Variants in LMTK2 observed in about 807,000 individuals in gnomAD.
LMTK2 encodes serine/threonine-protein kinase LMTK2.
In LMTK2, 37 loss-of-function variants were observed where a neutral mutation model predicts 127.5. The observed-to-expected ratio is 0.29, with a 90% CI of 0.22 to 0.38. The LOEUF (loss-of-function observed/expected upper bound fraction) is 0.38, where lower values mean the gene tolerates loss of function less well. Among genes scored for constraint, LMTK2 ranks in the 10% least tolerant of loss-of-function variants. LMTK2 has a pLI of 1.00. For synonymous variants in LMTK2, 819 were observed against 810.1 expected (o/e 1.01, Z -0.19); for missense variants, 1,694 against 1,920.3 (o/e 0.88, Z 2.20).
chr7:98,111,607 A>G (rs1232415528), intron 1 of LMTK2, among the ~76,000 whole-genome samples: 2 of 152,162 alleles, frequency 1.3e-5, no homozygotes, highest in South Asian at 2.1e-4. Context: ...GGCAATGACA[A>G]TATTTACCCA....
intron 1 of LMTK2, among the ~76,000 whole-genome samples, chr7:98,114,877 AC>A (rs1394470183): frequency 6.6e-6 from 1 of 151,842 alleles, no homozygotes; most frequent in African/African-American, 2.4e-5. Context: ...CTCTTTGCGG[AC>A]CCACCTTCCC....
At chr7:98,119,638 C>T (rs962468427) in intron 1 of LMTK2, among the ~76,000 whole-genome samples, 10 of 152,074 alleles carry the variant, frequency 6.6e-5, no homozygotes, top group Admixed American at 2.6e-4. Context: ...ATGCTGGTAC[C>T]GTGAGCTGAG....
intron 1 of LMTK2, among the ~76,000 whole-genome samples, chr7:98,127,421 TCTTTGTCTAAC>T (rs1197902579): frequency 2.0e-5 from 3 of 152,210 alleles, no homozygotes; most frequent in Non-Finnish European, 4.4e-5. Flanking sequence ...CTATGAGTTT[TCTTTGTCTAAC>T]CTTTGTCTAA....
At chr7:98,127,883 C>G (rs911936838) in intron 1 of LMTK2, among the ~76,000 whole-genome samples, 1 of 152,214 alleles carries the variant, frequency 6.6e-6, no homozygotes, top group African/African-American at 2.4e-5. Flanking sequence ...TGGCTCATGC[C>G]TGTAATCCCA....
At chr7:98,129,667 G>T (rs1318568639) in intron 1 of LMTK2, among the ~76,000 whole-genome samples, 6 of 152,124 alleles carry the variant, frequency 3.9e-5, no homozygotes, top group Non-Finnish European at 7.4e-5. Context: ...TGCCTAGCTC[G>T]TAAGTTTATT....
intron 11 of LMTK2, among the ~76,000 whole-genome samples, chr7:98,197,028 G>A (rs2132276): frequency 0.37 from 56,831 of 152,136 alleles, 13,478 homozygotes; most frequent in Middle Eastern, 0.62. Flanking sequence ...TTGAAGTTGT[G>A]TAGTTTTTAA....
chr7:98,177,646 A>G (rs980583620), intron 7 of LMTK2, among the ~76,000 whole-genome samples: 5 of 152,128 alleles, frequency 3.3e-5, no homozygotes, highest in Non-Finnish European at 7.3e-5. Context: ...GGGACTATAC[A>G]TATGCACCAT....
At chr7:98,186,726 T>A in intron 8 of LMTK2, 151 bp from the exon 9 acceptor site, 1 of 640,474 alleles carries the variant, frequency 1.6e-6, no homozygotes, top group Non-Finnish European at 2.6e-6. Context: ...ACCCACTTTC[T>A]GCCCAGAAAG....
At chr7:98,204,976 G>C (rs1387303888) in intron 13 of LMTK2, among the ~76,000 whole-genome samples, 1 of 152,190 alleles carries the variant, frequency 6.6e-6, no homozygotes, top group Non-Finnish European at 1.5e-5. Context: ...TGTGGCTCCC[G>C]AGGGCGGGGT....
chr7:98,122,213 T>G (rs1796373616), intron 1 of LMTK2, among the ~76,000 whole-genome samples: 1 of 152,150 alleles, frequency 6.6e-6, no homozygotes, highest in Admixed American at 6.5e-5. Flanking sequence ...TTTTTTTTCC[T>G]TTCCAACTTT....
In LMTK2 at chr7:98,205,583, A is replaced by C; in HGVS notation, c.*91A>C. On this transcript the variant is annotated 3_prime_UTR_variant, in exon 14 of 14. Coordinates refer to ENST00000297293, the MANE Select transcript of LMTK2 (RefSeq NM_014916.4). Reference sequence around the variant, plus strand: ...GCCCGAGCAGCGACATCCACTCGCCATTTGCTGACATGAGATTGGGAGGAA... The same window carrying C: ...GCCCGAGCAGCGACATCCACTCGCCCTTTGCTGACATGAGATTGGGAGGAA... 7.6e-7 allele frequency: 1 copy of C among 1,322,126 alleles called. No individual in the cohort carries two copies. The highest frequency in any genetic ancestry group is 1.1e-6 in the Non-Finnish European group (1 of 937,208). The allele number at this position is 1,322,126 out of a possible 1,614,324, so 81.9% of individuals were successfully genotyped here. A position where few individuals can be genotyped will look rare whatever the true frequency, so the allele number is the denominator to read the frequency against.
At chr7:98,189,645 A>G (rs1448800291) in intron 9 of LMTK2, among the ~76,000 whole-genome samples, 1 of 152,194 alleles carries the variant, frequency 6.6e-6, no homozygotes, top group Non-Finnish European at 1.5e-5. Context: ...GGATGGAGGC[A>G]GTGCGTGGTG....
chr7:98,135,750 G>T (rs1796586324), intron 1 of LMTK2, among the ~76,000 whole-genome samples: 1 of 152,118 alleles, frequency 6.6e-6, no homozygotes, highest in Admixed American at 6.5e-5. Flanking sequence ...GGATAATGAA[G>T]AACTTGCTAA....
intron 1 of LMTK2, among the ~76,000 whole-genome samples, chr7:98,121,663 T>TGCTA (rs1323974981): frequency 6.7e-6 from 1 of 149,368 alleles, no homozygotes; most frequent in Non-Finnish European, 1.5e-5. Flanking sequence ...GAAACCAAAG[T>TGCTA]GCTAGCTTCC....
rs570689884 is a variant in LMTK2 at position 98,199,010 on chromosome 7, G to T, written c.4107+4438G>T. ...AATAAGTATATTGTTTAATTTCCAA[G>T]AGTTGGAGATTTTATTGTATCTTTT... On this transcript the variant is annotated intron_variant, in intron 11 of 13. Coordinates refer to ENST00000297293, the MANE Select transcript of LMTK2 (RefSeq NM_014916.4). 2.0e-5 allele frequency among the ~76,000 whole-genome samples: 3 copies of T among 152,192 alleles called. No individual in the cohort carries two copies. In the South Asian group the frequency reaches 6.2e-4, roughly 32 times the overall value.
At chr7:98,204,276 T>C in intron 13 of LMTK2, 90 bp downstream of exon 13, 1 of 1,480,338 alleles carries the variant, frequency 6.8e-7, no homozygotes, top group South Asian at 1.2e-5. Context: ...GGCCTGATAA[T>C]CTCATGTCTT....
intron 7 of LMTK2, among the ~76,000 whole-genome samples, chr7:98,176,714 G>A (rs961526105): frequency 7.2e-5 from 11 of 152,148 alleles, no homozygotes; most frequent in Non-Finnish European, 4.4e-5. Context: ...AGGCGTGGTG[G>A]CACATGCCTG....
chr7:98,123,517 G>A (rs896658093), intron 1 of LMTK2, among the ~76,000 whole-genome samples: 1 of 151,906 alleles, frequency 6.6e-6, no homozygotes, highest in African/African-American at 2.4e-5. Flanking sequence ...GTGTCTCTGT[G>A]GCCGCTGTCC....
At position 98,194,218 on chromosome 7, in the gene LMTK2, C is replaced by T. The variant is rs148048560; in HGVS notation, c.3753C>T (p.Ser1251=). 6.5e-5 allele frequency: 105 copies of T among 1,614,102 alleles called. 2 individuals are homozygous for T. The highest frequency in any genetic ancestry group is 5.3e-4 in the South Asian group (48 of 91,076). The change falls in exon 11 of 14, where the codon TCC becomes TCT. Residue 1251 remains serine (S), a synonymous_variant. Transcript: ENST00000297293. The surrounding 1 kb of genome is among the most constrained non-coding windows in gnomAD (Gnocchi z 5.4). ...SALDKSLSSH[S]EGPKLKEPDI... ...TGGACAAGTCCCTGTCCAGCCACTCCGAGGGCCCGAAGTTGAAGGAGCCGG... is the reference window on the plus strand; with the variant it reads ...TGGACAAGTCCCTGTCCAGCCACTCTGAGGGCCCGAAGTTGAAGGAGCCGG...
Sources: gnomAD v4.1 joint callset for allele counts (sites outside exome capture counted in the v4.1 genomes callset) on GRCh38, gnomAD v4.1.1 for gene constraint, Gnocchi (gnomAD v3.1) non-coding constraint, MANE v1.5 for transcripts, NCBI Gene and HGNC (gene_info 2026-07-23, HGNC 2026-07-21) for gene names.